CDK12: variants seen among roughly 807,000 people sequenced by gnomAD.
The protein encoded by CDK12 is cyclin dependent kinase 12.
In CDK12, 17 loss-of-function variants were observed where a neutral mutation model predicts 133.8. The observed-to-expected ratio is 0.13, with a 90% confidence interval of 0.09 to 0.19. The LOEUF is 0.19. Among genes scored for constraint, CDK12 ranks in the 10% least tolerant of loss-of-function variants. The probability of loss-of-function intolerance (pLI) is 1.00; values close to 1 mark genes in which losing one functional copy is unlikely to be tolerated. For synonymous variants in CDK12, 694 were observed against 683.6 expected (o/e 1.02, Z -0.24); for missense variants, 1,508 against 1,818.7 (o/e 0.83, Z 3.11).
chr17:39,520,438 C>A (rs1383085626), intron 11 of CDK12, among the ~76,000 whole-genome samples: 2 of 152,052 alleles, frequency 1.3e-5, no homozygotes, highest in Admixed American at 6.6e-5. Flanking sequence ...CTCTGTCGCC[C>A]AGGCTGGAAT....
intron 8 of CDK12, among the ~76,000 whole-genome samples, chr17:39,513,881 A>G (rs778149167): frequency 6.6e-6 from 1 of 152,116 alleles, no homozygotes; most frequent in Non-Finnish European, 1.5e-5. Flanking sequence ...CAGTGTGCAA[A>G]TTAGAATCGA....
intron 6 of CDK12, among the ~76,000 whole-genome samples, chr17:39,506,014 G>T (rs1029049134): frequency 2.0e-5 from 3 of 152,110 alleles, no homozygotes; most frequent in Non-Finnish European, 2.9e-5. Context: ...ACTGAAAAAG[G>T]TCATTTACTA....
chr17:39,535,407 T>C (rs1159963594), downstream of CDK12, among the ~76,000 whole-genome samples: 3 of 152,196 alleles, frequency 2.0e-5, no homozygotes, highest in East Asian at 1.9e-4. Context: ...CCTCAAAAGT[T>C]TAAGTGGTGT....
intron 2 of CDK12, among the ~76,000 whole-genome samples, chr17:39,483,786 C>T (rs2050910361): frequency 1.3e-5 from 2 of 151,332 alleles, no homozygotes; most frequent in Non-Finnish European, 2.9e-5. Flanking sequence ...TCCCAAAGTG[C>T]TGAGAGTACA....
chr17:39,489,695 T>C (rs1439348403), intron 2 of CDK12, among the ~76,000 whole-genome samples: 1 of 149,754 alleles, frequency 6.7e-6, no homozygotes, highest in African/African-American at 2.5e-5. Flanking sequence ...GGTTTCCCTA[T>C]GTTGGCCAGG....
chr17:39,490,458 C>T, intron 2 of CDK12, 99 bp from the exon 3 acceptor site: 7 of 708,386 alleles, frequency 9.9e-6, no homozygotes, highest in South Asian at 5.6e-5. Flanking sequence ...AAAATTAGAT[C>T]TTTCTAACCT....
chr17:39,492,658 C>T (rs2051731802), intron 3 of CDK12, 93 bp from the exon 4 acceptor site: 1 of 841,302 alleles, frequency 1.2e-6, no homozygotes. Context: ...ATCTGCCAGC[C>T]TCGGCCTCCC....
At chr17:39,520,174 G>A in intron 11 of CDK12, 87 bp downstream of exon 11, 6 of 1,405,838 alleles carry the variant, frequency 4.3e-6, no homozygotes, top group Non-Finnish European at 5.9e-6. Context: ...CAGATGCCCA[G>A]TAAGACCCAA....
At chr17:39,465,149 G>A (rs2049207223) in intron 1 of CDK12, among the ~76,000 whole-genome samples, 1 of 151,700 alleles carries the variant, frequency 6.6e-6, no homozygotes, top group Non-Finnish European at 1.5e-5. Flanking sequence ...GGAAGGCTGA[G>A]GCAGGAGAAT....
intron 1 of CDK12, chr17:39,550,766 C>A (rs927674475): frequency 1.3e-5 from 2 of 152,172 alleles, no homozygotes; most frequent in African/African-American, 4.8e-5. Context: ...CGGTGGCTCA[C>A]GCCTATAATC....
downstream of CDK12, among the ~76,000 whole-genome samples, chr17:39,535,702 T>C (rs1273229086): frequency 6.6e-6 from 1 of 152,342 alleles, no homozygotes; most frequent in East Asian, 1.9e-4. Context: ...TCTTAGGCAC[T>C]GTTCTTTCCT....
chr17:39,502,712 G>A (rs1192784738), intron 6 of CDK12, among the ~76,000 whole-genome samples: 1 of 152,178 alleles, frequency 6.6e-6, no homozygotes, highest in African/African-American at 2.4e-5. Context: ...ATCTGGAAAG[G>A]TGTAACCTTG....
intron 2 of CDK12, among the ~76,000 whole-genome samples, chr17:39,477,992 C>T (rs2050352200): frequency 6.6e-6 from 1 of 151,916 alleles, no homozygotes; most frequent in African/African-American, 2.4e-5. Flanking sequence ...AGGCATGAGC[C>T]ACTGCACCGG....
chr17:39,527,634 G>T (rs992321899), intron 13 of CDK12, among the ~76,000 whole-genome samples: 1 of 152,096 alleles, frequency 6.6e-6, no homozygotes, highest in East Asian at 1.9e-4. Context: ...TGCAACTTCC[G>T]TCTCCTGGGT....
At chr17:39,558,712 C>T (rs568231287) in intron 3 of CDK12, among the ~76,000 whole-genome samples, 7 of 152,144 alleles carry the variant, frequency 4.6e-5, no homozygotes, top group African/African-American at 1.7e-4. Flanking sequence ...GGTGCAGTCT[C>T]GGCTCACTGC....
chr17:39,522,537 C>G (rs980158284), intron 11 of CDK12, among the ~76,000 whole-genome samples: 1 of 151,740 alleles, frequency 6.6e-6, no homozygotes, highest in African/African-American at 2.4e-5. Flanking sequence ...CGGCTTCAAG[C>G]GATTCCCGTG....
intron 2 of CDK12, among the ~76,000 whole-genome samples, chr17:39,480,314 A>G (rs2050544824): frequency 6.7e-6 from 1 of 148,772 alleles, no homozygotes; most frequent in South Asian, 2.1e-4. Flanking sequence ...TCCAGGCTGG[A>G]GTGCAGTGGC....
chr17:39,486,616 G>C (rs2051153634), intron 2 of CDK12, among the ~76,000 whole-genome samples: 1 of 152,006 alleles, frequency 6.6e-6, no homozygotes, highest in African/African-American at 2.4e-5. Flanking sequence ...AATCTGTTTT[G>C]AATAATGAGG....
chr17:39,529,761 A>C (rs940508205), intron 13 of CDK12: 1 of 152,262 alleles, frequency 6.6e-6, no homozygotes, highest in African/African-American at 2.4e-5. Flanking sequence ...GACAGAGTAT[A>C]GTATGAATTT....
Sources: allele counts gnomAD v4.1 joint callset (sites outside exome capture counted in the v4.1 genomes callset), GRCh38; gene constraint gnomAD v4.1.1; transcripts MANE v1.5; gene names NCBI Gene and HGNC (gene_info 2026-07-23, HGNC 2026-07-21).